The following ILRUN variants were observed in gnomAD, a reference collection of about 807,000 sequenced individuals.
The protein encoded by ILRUN is protein ILRUN.
ILRUN carries 3 observed loss-of-function variants against 33.8 expected under a neutral mutation model. The ratio of observed to expected loss-of-function variants is 0.09; its 90% CI spans 0.04 to 0.23. The LOEUF (loss-of-function observed/expected upper bound fraction) is 0.23, where lower values mean the gene tolerates loss of function less well. Ranked by LOEUF, ILRUN falls within the 10% of genes least tolerant of loss-of-function variation. The pLI is 1.00. For synonymous variants in ILRUN, 124 were observed against 138.9 expected (o/e 0.89, Z 0.75); for missense variants, 210 against 375.1 (o/e 0.56, Z 3.64).
At chr6:34,642,825 CAAAAAAAAA>C (rs57866309) in intron 3 of ILRUN, among the ~76,000 whole-genome samples, 2 of 42,994 alleles carry the variant, frequency 4.7e-5, no homozygotes, top group South Asian at 1.1e-3. Flanking sequence ...CCGTCTCTAC[CAAAAAAAAA>C]AAAAAAAAAA....
chr6:34,596,515 G>A (rs1048418290), intron 4 of ILRUN, among the ~76,000 whole-genome samples: 3 of 152,090 alleles, frequency 2.0e-5, no homozygotes, highest in Admixed American at 6.5e-5. Flanking sequence ...ATTTCACCAC[G>A]TTGGCCAGGC....
intron 4 of ILRUN, among the ~76,000 whole-genome samples, chr6:34,593,421 T>A (rs920456661): frequency 6.6e-6 from 1 of 152,218 alleles, no homozygotes; most frequent in Admixed American, 6.5e-5. Context: ...GTCAAAAAGC[T>A]GTTGTATATT....
intron 1 of ILRUN, among the ~76,000 whole-genome samples, chr6:34,680,655 G>A (rs58643640): frequency 0.058 from 8,852 of 152,120 alleles, 501 homozygotes; most frequent in East Asian, 0.32. Context: ...GTTTCACCAC[G>A]TTGGCCAGGC....
At chr6:34,616,630 GAGAA>G (rs1230923470) in intron 3 of ILRUN, 1 of 1,559,228 alleles carries the variant, frequency 6.4e-7, no homozygotes, top group Non-Finnish European at 8.7e-7. Flanking sequence ...TCAATCGCCT[GAGAA>G]AGAAGTTTGC....
intron 1 of ILRUN, among the ~76,000 whole-genome samples, chr6:34,672,275 G>C (rs1763134502): frequency 6.6e-6 from 1 of 152,080 alleles, no homozygotes; most frequent in African/African-American, 2.4e-5. Flanking sequence ...TGTAATTTTA[G>C]TAGAGATGGG....
chr6:34,598,459 TA>T (rs1761446258), intron 4 of ILRUN, among the ~76,000 whole-genome samples: 1 of 152,236 alleles, frequency 6.6e-6, no homozygotes, highest in Non-Finnish European at 1.5e-5. Context: ...TTTGAACCTA[TA>T]AATTTCACGA....
intron 1 of ILRUN, among the ~76,000 whole-genome samples, chr6:34,690,488 A>G (rs1163662425): frequency 6.6e-6 from 1 of 152,010 alleles, no homozygotes; most frequent in East Asian, 1.9e-4. Flanking sequence ...AAATAAATAA[A>G]TAAATAAATT....
intron 1 of ILRUN, among the ~76,000 whole-genome samples, chr6:34,673,075 T>G (rs1308205754): frequency 3.9e-5 from 6 of 152,212 alleles, no homozygotes; most frequent in Admixed American, 3.9e-4. Context: ...TTCAAAATTC[T>G]GAGAAAAATA....
At position 34,587,494 on chromosome 6, in the gene ILRUN, G is replaced by A. The variant is rs1053125739; in HGVS notation, c.*3071C>T. On this transcript the variant is annotated 3_prime_UTR_variant, in exon 5 of 5. Coordinates refer to ENST00000374023, the MANE Select transcript of ILRUN (RefSeq NM_024294.4). ...AGGAAACAAAGGAAAGGTGCGGCGAGGCAGGGTGGGGTGAGTAATCAGCTT... is the reference window on the plus strand; with the variant it reads ...AGGAAACAAAGGAAAGGTGCGGCGAAGCAGGGTGGGGTGAGTAATCAGCTT... 2 of 152,688 alleles carry A rather than the reference G, an allele frequency of 1.3e-5. No individual in the cohort carries two copies. Among genetic ancestry groups the A allele is most frequent in the African/African-American group, 4.8e-5 (2 of 41,450 alleles). The allele number at this position is 152,688 out of a possible 1,614,324, so 9.5% of individuals were successfully genotyped here.
At chr6:34,686,976 T>TA (rs2127388863) in intron 1 of ILRUN, 1 of 187,684 alleles carries the variant, frequency 5.3e-6, no homozygotes, top group Non-Finnish European at 1.1e-5. Context: ...GTTAAAACTA[T>TA]AAAGAAGATT....
rs1763439067 is a variant in ILRUN, at chr6:34,683,480, A to ATG, written c.158+12965_158+12966insCA. Among the ~76,000 whole-genome samples, 3 of 106,844 alleles carry ATG rather than the reference A, an allele frequency of 2.8e-5. 1 individual carries two copies. The highest frequency in any genetic ancestry group is 9.8e-5 in the African/African-American group (2 of 20,474). 70.1% of individuals were successfully genotyped at this position (106,844 alleles called of 152,430 possible). A position where few individuals can be genotyped will look rare whatever the true frequency, so the allele number is the denominator to read the frequency against. ...TATATATACATATATATACACATAT[A>ATG]TATATACATATATATATACATATAT... is the stretch of plus-strand genomic sequence containing the variant. On this transcript the variant is annotated intron_variant, in intron 1 of 4. Transcript: ENST00000374023.
chr6:34,670,844 C>CAAAAAAAAAAAAAAA (rs201024054), intron 1 of ILRUN, among the ~76,000 whole-genome samples: 1 of 58,544 alleles, frequency 1.7e-5, no homozygotes, highest in Admixed American at 1.8e-4. Context: ...GACCCTGTCT[C>CAAAAAAAAAAAAAAA]AAAAAAAAAA....
intron 3 of ILRUN, among the ~76,000 whole-genome samples, chr6:34,632,814 C>T (rs1380735825): frequency 6.6e-6 from 1 of 152,060 alleles, no homozygotes. Flanking sequence ...TGAGCCACCA[C>T]GCCCGGCCAG....
Position 34,590,618 on chromosome 6 carries a change from T to C in ILRUN, c.862-18A>G, listed in dbSNP as rs1248986610. On this transcript the variant is annotated intron_variant, in intron 4 of 4. Transcript: ENST00000374023. ...TGGAGCCCCTGGAAGAGAGTGAAGA[T>C]AGTCAGTGATGGTACACATAGCAGT... 5 of 1,551,288 alleles carry C rather than the reference T, an allele frequency of 3.2e-6. No homozygotes were observed. Among genetic ancestry groups the C allele is most frequent in the Non-Finnish European group, 4.5e-6 (5 of 1,122,710 alleles).
chr6:34,651,744 A>G lies in ILRUN; in HGVS notation c.313+2881T>C, dbSNP rs1027392966. On this transcript the variant is annotated intron_variant, in intron 2 of 4. Transcript: ENST00000374023. ...ACAAACCTCATTTATTAAAAAAAAA[A>G]AAAATTATATATATATATATATCTC... Among the ~76,000 whole-genome samples the G allele has an allele frequency of 9.0e-4, 134 of 148,972 alleles. 1 individual carries two copies. Among genetic ancestry groups the G allele is most frequent in the Admixed American group, 8.9e-3 (133 of 14,994 alleles).
chr6:34,590,719 G>T, intron 4 of ILRUN, 119 bp from the exon 5 acceptor site: 1 of 758,768 alleles, frequency 1.3e-6, no homozygotes. Flanking sequence ...CCACAGACAA[G>T]GCCTGAGGGT....
intron 2 of ILRUN, among the ~76,000 whole-genome samples, chr6:34,650,815 C>A (rs748546393): frequency 6.6e-6 from 1 of 152,144 alleles, no homozygotes; most frequent in African/African-American, 2.4e-5. Context: ...ATTGGGACAA[C>A]TATATGCGAT....
chr6:34,608,391 A>T (rs1282904243), intron 3 of ILRUN, among the ~76,000 whole-genome samples: 1 of 152,156 alleles, frequency 6.6e-6, no homozygotes. Flanking sequence ...TCAAAAAAAA[A>T]TTAAAAAATT....
chr6:34,678,791 C>T (rs1763292886), intron 1 of ILRUN, among the ~76,000 whole-genome samples: 1 of 132,628 alleles, frequency 7.5e-6, no homozygotes, highest in African/African-American at 3.0e-5. Context: ...GGAGGCAGAG[C>T]TTGCAGTGAG....
Sources: gnomAD v4.1 joint callset for allele counts (sites outside exome capture counted in the v4.1 genomes callset) on GRCh38, gnomAD v4.1.1 for gene constraint, MANE v1.5 for transcripts, NCBI Gene and HGNC (gene_info 2026-07-23, HGNC 2026-07-21) for gene names.